ETV1: variants seen among roughly 807,000 people sequenced by gnomAD.
ETV1 encodes ETS translocation variant 1.
Under a neutral mutation model 62.3 loss-of-function variants are expected in ETV1, and 27 were observed. The observed-to-expected ratio is 0.43, with a 90% confidence interval of 0.32 to 0.60. The LOEUF is 0.60. ETV1 is among the 20% of genes least tolerant of loss of function. ETV1 has a pLI of 0.06. For synonymous variants in ETV1, 222 were observed against 199.6 expected, an observed-to-expected ratio of 1.11 and a Z score of -0.94; for missense variants, 605 against 605.8, an observed-to-expected ratio of 1.00 and a Z score of 0.01.
At chr7:13,972,419 G>A (rs997343298) in intron 6 of ETV1, among the ~76,000 whole-genome samples, 1 of 152,142 alleles carries the variant, frequency 6.6e-6, no homozygotes, top group Non-Finnish European at 1.5e-5. Flanking sequence ...GCAACCAAGT[G>A]AGACCCTGTC....
intron 9 of ETV1, among the ~76,000 whole-genome samples, chr7:13,913,445 TCC>T (rs1783769633): frequency 6.6e-6 from 1 of 152,168 alleles, no homozygotes; most frequent in South Asian, 2.1e-4. Flanking sequence ...ACTCCCAACT[TCC>T]TCATCTGTAA....
intron 6 of ETV1, among the ~76,000 whole-genome samples, chr7:13,966,529 G>T (rs1262435740): frequency 6.6e-6 from 1 of 152,016 alleles, no homozygotes; most frequent in East Asian, 1.9e-4. Flanking sequence ...AGGCTGAGAT[G>T]GGAGAGTCAT....
intron 10 of ETV1, 62 bp from the exon 11 acceptor site, chr7:13,909,762 T>C: frequency 7.5e-7 from 1 of 1,333,214 alleles, no homozygotes; most frequent in Non-Finnish European, 1.1e-6. Flanking sequence ...ACACTTAAAA[T>C]ATAACCATTT....
At chr7:13,940,516 C>T (rs1787377808) in intron 6 of ETV1, among the ~76,000 whole-genome samples, 1 of 151,748 alleles carries the variant, frequency 6.6e-6, no homozygotes, top group Non-Finnish European at 1.5e-5. Context: ...AAAAAATAAT[C>T]ATAAGAATAG....
In ETV1 at chr7:13,941,538, A is replaced by G. The variant is rs556500146; in HGVS notation, c.236-2292T>C. ...TGTGTCCTAAATTTCCTGGGTAAAC[A>G]TTTTTTAAATGTGAAAAGAAAACCC... On this transcript the variant is annotated intron_variant, in intron 6 of 13. Coordinates refer to ENST00000430479, the MANE Select transcript of ETV1 (RefSeq NM_004956.5). 3.9e-5 allele frequency among the ~76,000 whole-genome samples: 6 copies of G among 152,244 alleles called. No individual in the cohort carries two copies. In the South Asian group the frequency reaches 1.2e-3, roughly 32 times the overall value.
intron 3 of ETV1, chr7:13,988,605 A>AT: frequency 8.1e-7 from 1 of 1,233,986 alleles, no homozygotes; most frequent in Admixed American, 3.7e-5. Context: ...GAAAAAAAAA[A>AT]AAAAGAGAAA....
Position 13,906,199 on chromosome 7 carries a change from T to A in ETV1, c.1110+231A>T. 8.1e-6 allele frequency: 3 copies of A among 369,632 alleles called. No individual in the cohort carries two copies. The Admixed American group carries it at 1.4e-4, about 17-fold the overall frequency. The allele number at this position is 369,632 out of a possible 1,614,324, so 22.9% of individuals were successfully genotyped here. A position where few individuals can be genotyped will look rare whatever the true frequency, so the allele number is the denominator to read the frequency against. ...ATAAAGGTGCAAAGCATGCTCTGGT[T>A]AATTTTCTCCAACATCAATTTTGTA... is the stretch of plus-strand genomic sequence containing the variant. On this transcript the variant is annotated intron_variant, in intron 12 of 13. Coordinates refer to ENST00000430479, the MANE Select transcript of ETV1 (RefSeq NM_004956.5).
intron 6 of ETV1, among the ~76,000 whole-genome samples, chr7:13,941,060 A>G (rs1359497290): frequency 6.6e-6 from 1 of 152,154 alleles, no homozygotes; most frequent in Non-Finnish European, 1.5e-5. Flanking sequence ...ATTCAAAGTA[A>G]AGAGAAAAGA....
chr7:13,933,447 G>C (rs1469700519), intron 8 of ETV1, among the ~76,000 whole-genome samples: 1 of 152,170 alleles, frequency 6.6e-6, no homozygotes, highest in African/African-American at 2.4e-5. Context: ...CAGGGTGTAA[G>C]TGGTGGAAAC....
At chr7:13,980,353 T>C (rs1435088690) in intron 5 of ETV1, among the ~76,000 whole-genome samples, 1 of 152,162 alleles carries the variant, frequency 6.6e-6, no homozygotes, top group African/African-American at 2.4e-5. Flanking sequence ...TTTCTTCAAT[T>C]CAGGGGAATA....
Position 13,893,601 on chromosome 7 carries a change from A to C in ETV1, c.*2265T>G, listed in dbSNP as rs1275693042. ...ACTGACTGACTAAAACTAGACTATT[A>C]AAAAGAAGAAAAAGGAGAAAAGAGA... On this transcript the variant is annotated 3_prime_UTR_variant, in exon 14 of 14. Transcript: ENST00000430479. 1 of 232,070 alleles carries C rather than the reference A, an allele frequency of 4.3e-6. No individual in the cohort carries two copies. The highest frequency in any genetic ancestry group is 1.8e-4 in the South Asian group (1 of 5,516). The allele number at this position is 232,070 out of a possible 1,614,324, so 14.4% of individuals were successfully genotyped here.
intron 6 of ETV1, among the ~76,000 whole-genome samples, chr7:13,959,229 G>A (rs943112369): frequency 1.3e-5 from 2 of 152,114 alleles, no homozygotes; most frequent in Non-Finnish European, 2.9e-5. Context: ...GAAAGATAAG[G>A]AAATGGAAGT....
intron 6 of ETV1, among the ~76,000 whole-genome samples, chr7:13,954,276 G>A (rs1320199498): frequency 6.6e-6 from 1 of 152,074 alleles, no homozygotes; most frequent in Admixed American, 6.6e-5. Flanking sequence ...TTATTACTGT[G>A]GGCTTCAGAA....
chr7:13,897,152 G>A (rs1260668661), intron 13 of ETV1, among the ~76,000 whole-genome samples: 1 of 151,998 alleles, frequency 6.6e-6, no homozygotes, highest in South Asian at 2.1e-4. Flanking sequence ...AACCCGGGGT[G>A]GGGGGATGGG....
At position 13,891,328 on chromosome 7, in the gene ETV1, A is replaced by G. The variant is rs1781373236; in HGVS notation, c.*4538T>C. 1 of 230,814 alleles carries G rather than the reference A, an allele frequency of 4.3e-6. No individual in the cohort carries two copies. The highest frequency in any genetic ancestry group is 1.8e-4 in the South Asian group (1 of 5,518). 14.3% of individuals were successfully genotyped at this position (230,814 alleles called of 1,614,324 possible). On this transcript the variant is annotated 3_prime_UTR_variant, in exon 14 of 14. Coordinates refer to ENST00000430479, the MANE Select transcript of ETV1 (RefSeq NM_004956.5). ...GCATGTTTTCTCAAACCGTAAGTAT[A>G]ATTTTAATACAACCAAGTGAATTAA...
rs556965716 is a variant in ETV1 at position 13,963,954 on chromosome 7, C to A, written c.235+13473G>T. Among the ~76,000 whole-genome samples the A allele has an allele frequency of 9.7e-4, 147 of 152,190 alleles. 1 individual carries two copies. The highest frequency in any genetic ancestry group is 3.4e-3 in the Middle Eastern group (1 of 294). On this transcript the variant is annotated intron_variant, in intron 6 of 13. Coordinates refer to ENST00000430479, the MANE Select transcript of ETV1 (RefSeq NM_004956.5). ...ACTATGAATGAAAATAGAGCTTTCACAAAGGAAAACAGGGATTGATTTTCC... is the reference window on the plus strand; with the variant it reads ...ACTATGAATGAAAATAGAGCTTTCAAAAAGGAAAACAGGGATTGATTTTCC...
At chr7:13,940,227 T>C (rs749887258) in intron 6 of ETV1, among the ~76,000 whole-genome samples, 28 of 151,994 alleles carry the variant, frequency 1.8e-4, no homozygotes, top group Non-Finnish European at 3.8e-4. Flanking sequence ...GCCGGTATGA[T>C]GGCAGGTGCT....
chr7:13,952,394 G>A (rs1324748261), intron 6 of ETV1, among the ~76,000 whole-genome samples: 1 of 152,124 alleles, frequency 6.6e-6, no homozygotes, highest in Non-Finnish European at 1.5e-5. Flanking sequence ...ACATTCTAAA[G>A]CCATTTACTA....
At chr7:13,961,948 T>C (rs1240996670) in intron 6 of ETV1, among the ~76,000 whole-genome samples, 1 of 151,808 alleles carries the variant, frequency 6.6e-6, no homozygotes, top group East Asian at 1.9e-4. Context: ...GTAGATACAG[T>C]AGATAAAGCC....
Sources: gnomAD v4.1 joint callset for allele counts (sites outside exome capture counted in the v4.1 genomes callset) on GRCh38, gnomAD v4.1.1 for gene constraint, MANE v1.5 for transcripts, NCBI Gene and HGNC (gene_info 2026-07-23, HGNC 2026-07-21) for gene names.